ZNF804A: variants seen among roughly 807,000 people sequenced by gnomAD.
ZNF804A encodes zinc finger protein 804A.
In ZNF804A, 2 loss-of-function variants were observed where a neutral mutation model predicts 16.5. The ratio of observed to expected loss-of-function variants is 0.12; its 90% CI spans 0.05 to 0.38. The LOEUF is 0.38. Ranked by LOEUF, ZNF804A falls within the 10% of genes least tolerant of loss-of-function variation. The probability of loss-of-function intolerance (pLI) is 0.99; values close to 1 mark genes in which losing one functional copy is unlikely to be tolerated. For missense variants in ZNF804A, 1,473 were observed against 1,390.7 expected, an observed-to-expected ratio of 1.06 and a Z score of -0.94; for synonymous variants, 534 against 489.6, an observed-to-expected ratio of 1.09 and a Z score of -1.20.
At chr2:184,827,045 A>G (rs1326476036) in intron 1 of ZNF804A, among the ~76,000 whole-genome samples, 1 of 151,968 alleles carries the variant, frequency 6.6e-6, no homozygotes, top group African/African-American at 2.4e-5. Context: ...AATTCACTTA[A>G]GAAAACATAG....
At chr2:184,690,504 G>C (rs566717062) in intron 1 of ZNF804A, among the ~76,000 whole-genome samples, 25 of 152,088 alleles carry the variant, frequency 1.6e-4, no homozygotes, top group African/African-American at 6.0e-4. Context: ...GAATACTTAT[G>C]TTTGCTAAAA....
chr2:184,929,479 TTA>T (rs897728169), intron 2 of ZNF804A, among the ~76,000 whole-genome samples: 1 of 152,004 alleles, frequency 6.6e-6, no homozygotes, highest in East Asian at 1.9e-4. Context: ...TTATATATGT[TTA>T]TATATATGTG....
Position 184,776,355 on chromosome 2 carries a change from C to T in ZNF804A, c.112-90014C>T, listed in dbSNP as rs138933578. On this transcript the variant is annotated intron_variant, in intron 1 of 3. Coordinates refer to ENST00000302277, the MANE Select transcript of ZNF804A (RefSeq NM_194250.2). ...GACATTATAATGGCTTAGATGAGGA[C>T]GGCAACAGTATAGATAGAAAAAAAT... Among the ~76,000 whole-genome samples, 331 of 151,128 alleles carry T rather than the reference C, an allele frequency of 2.2e-3. 1 individual carries two copies. The highest frequency in any genetic ancestry group is 6.8e-3 in the Middle Eastern group (2 of 294).
intron 2 of ZNF804A, among the ~76,000 whole-genome samples, chr2:184,869,383 A>G (rs1230114543): frequency 1.3e-5 from 2 of 152,010 alleles, no homozygotes; most frequent in Non-Finnish European, 2.9e-5. Flanking sequence ...TCCTACAGAG[A>G]TATGATACCA....
intron 1 of ZNF804A, among the ~76,000 whole-genome samples, chr2:184,627,222 C>A (rs1238102802): frequency 6.6e-6 from 1 of 151,850 alleles, no homozygotes; most frequent in South Asian, 2.1e-4. Flanking sequence ...GATTATCTAT[C>A]TTGACTTATT....
intron 1 of ZNF804A, among the ~76,000 whole-genome samples, chr2:184,620,554 G>T (rs191668249): frequency 1.8e-3 from 267 of 151,810 alleles, no homozygotes; most frequent in African/African-American, 5.9e-3. Flanking sequence ...GTAGTAACAG[G>T]ATATGATGAT....
chr2:184,618,165 C>T (rs1213174261), intron 1 of ZNF804A, among the ~76,000 whole-genome samples: 4 of 152,010 alleles, frequency 2.6e-5, no homozygotes, highest in Non-Finnish European at 4.4e-5. Flanking sequence ...TTAGGAAACA[C>T]GTTTATAAAT....
intron 2 of ZNF804A, among the ~76,000 whole-genome samples, chr2:184,883,818 C>G (rs910210641): frequency 4.0e-5 from 6 of 151,892 alleles, no homozygotes; most frequent in Non-Finnish European, 7.4e-5. Flanking sequence ...AATAAGGGCT[C>G]TCTATCAAAA....
intron 1 of ZNF804A, among the ~76,000 whole-genome samples, chr2:184,610,315 C>G (rs1691215840): frequency 6.6e-6 from 1 of 152,048 alleles, no homozygotes; most frequent in Admixed American, 6.6e-5. Context: ...TTTATAGCAA[C>G]AGAGAACAGA....
At chr2:184,812,937 T>C (rs1694923383) in intron 1 of ZNF804A, among the ~76,000 whole-genome samples, 1 of 152,028 alleles carries the variant, frequency 6.6e-6, no homozygotes, top group Non-Finnish European at 1.5e-5. Context: ...AAGGCACCAG[T>C]ATTAAAGTCA....
At chr2:184,627,185 C>A (rs954733514) in intron 1 of ZNF804A, among the ~76,000 whole-genome samples, 2 of 151,946 alleles carry the variant, frequency 1.3e-5, no homozygotes, top group African/African-American at 2.4e-5. Context: ...GTCTGTTTGC[C>A]ATTTTTTTGT....
At chr2:184,628,021 T>C (rs1382337012) in intron 1 of ZNF804A, among the ~76,000 whole-genome samples, 1 of 152,154 alleles carries the variant, frequency 6.6e-6, no homozygotes, top group Admixed American at 6.6e-5. Context: ...TTATAAAAGA[T>C]GTAAAGAATA....
rs182621293 is a variant in ZNF804A, at chr2:184,913,698, G to A, written c.256-19905G>A. ...GATAGATATCCAAGAAGTTGATTCT[G>A]ATAGTTTTTGATTCTTTGTTTCAGT... On this transcript the variant is annotated intron_variant, in intron 2 of 3. Coordinates refer to ENST00000302277, the MANE Select transcript of ZNF804A (RefSeq NM_194250.2). Among the ~76,000 whole-genome samples the A allele has an allele frequency of 2.0e-5, 3 of 152,200 alleles. No homozygotes were observed. In the East Asian group the frequency reaches 5.8e-4, roughly 29 times the overall value.
chr2:184,668,930 C>A (rs534831473), intron 1 of ZNF804A, among the ~76,000 whole-genome samples: 2 of 151,912 alleles, frequency 1.3e-5, no homozygotes, highest in Admixed American at 1.3e-4. Flanking sequence ...CTTTCTTGGT[C>A]AGCAGAACAT....
intron 1 of ZNF804A, among the ~76,000 whole-genome samples, chr2:184,859,466 A>G (rs7593307): frequency 0.32 from 48,677 of 151,782 alleles, 10,587 homozygotes; most frequent in African/African-American, 0.62. Flanking sequence ...TTGATTCTTT[A>G]TTAAATGTAT....
At chr2:184,801,714 A>T (rs1241432630) in intron 1 of ZNF804A, among the ~76,000 whole-genome samples, 1 of 152,216 alleles carries the variant, frequency 6.6e-6, no homozygotes, top group Non-Finnish European at 1.5e-5. Flanking sequence ...GTCTTTGATT[A>T]CATTAACAAC....
At chr2:184,688,326 T>TTCTC (rs1180367100) in intron 1 of ZNF804A, among the ~76,000 whole-genome samples, 1 of 144,022 alleles carries the variant, frequency 6.9e-6, no homozygotes, top group African/African-American at 2.7e-5. Context: ...ATCTTTTTCT[T>TTCTC]TCTCTCTCTC....
intron 1 of ZNF804A, among the ~76,000 whole-genome samples, chr2:184,694,890 C>T (rs564610623): frequency 2.6e-5 from 4 of 152,296 alleles, no homozygotes; most frequent in Non-Finnish European, 5.9e-5. Context: ...TGACACTGCC[C>T]TGATCTGTGG....
chr2:184,890,018 A>C (rs1278745189), intron 2 of ZNF804A, among the ~76,000 whole-genome samples: 1 of 152,080 alleles, frequency 6.6e-6, no homozygotes, highest in East Asian at 1.9e-4. Context: ...TATTTTTATA[A>C]AACAAGCAGA....
Sources: gnomAD v4.1 joint callset for allele counts (sites outside exome capture counted in the v4.1 genomes callset) on GRCh38, gnomAD v4.1.1 for gene constraint, MANE v1.5 for transcripts, NCBI Gene and HGNC (gene_info 2026-07-23, HGNC 2026-07-21) for gene names.